HDAC4: variants seen among roughly 807,000 people sequenced by gnomAD.
HDAC4 encodes histone deacetylase A.
In HDAC4, 16 loss-of-function variants were observed where a neutral mutation model predicts 135.1. The observed-to-expected ratio is 0.12, with a 90% confidence interval of 0.08 to 0.18. The LOEUF (loss-of-function observed/expected upper bound fraction) is 0.18. Among genes scored for constraint, HDAC4 ranks in the 10% least tolerant of loss-of-function variants. HDAC4 has a pLI of 1.00. For synonymous variants in HDAC4, 685 were observed against 653.4 expected (o/e 1.05, Z -0.74); for missense variants, 1,143 against 1,511.8 (o/e 0.76, Z 4.05).
chr2:239,226,921 T>C (rs2047275048), intron 3 of HDAC4, among the ~76,000 whole-genome samples: 1 of 152,168 alleles, frequency 6.6e-6, no homozygotes, highest in African/African-American at 2.4e-5. Flanking sequence ...GTGAACACAA[T>C]CACGTTGTCA....
At chr2:239,087,955 T>G (rs940386996) in intron 18 of HDAC4, among the ~76,000 whole-genome samples, 1 of 152,056 alleles carries the variant, frequency 6.6e-6, no homozygotes, top group African/African-American at 2.4e-5. Flanking sequence ...ATGTGCTCAC[T>G]CCCCGTCGGC....
At chr2:239,268,422 G>A (rs573848885) in intron 2 of HDAC4, among the ~76,000 whole-genome samples, 2 of 152,364 alleles carry the variant, frequency 1.3e-5, no homozygotes, top group African/African-American at 4.8e-5. Context: ...AAAAGACGCT[G>A]AGTAAATAAG....
chr2:239,348,963 C>G (rs1487473934), intron 2 of HDAC4, among the ~76,000 whole-genome samples: 1 of 152,218 alleles, frequency 6.6e-6, no homozygotes, highest in African/African-American at 2.4e-5. Context: ...TCACAGAACA[C>G]AGGAGAGGAA....
chr2:239,123,998 G>A (rs540327707), intron 12 of HDAC4, among the ~76,000 whole-genome samples: 5 of 151,850 alleles, frequency 3.3e-5, no homozygotes, highest in Non-Finnish European at 7.4e-5. Flanking sequence ...ATCCAGGGAA[G>A]CAACGGGGGT....
chr2:239,124,209 T>C (rs528413818), intron 12 of HDAC4, among the ~76,000 whole-genome samples: 6 of 152,330 alleles, frequency 3.9e-5, no homozygotes, highest in African/African-American at 1.2e-4. Context: ...TTGTTTTTAG[T>C]ATATTTACAG....
At chr2:239,107,773 A>C (rs2038286362) in intron 15 of HDAC4, among the ~76,000 whole-genome samples, 1 of 152,134 alleles carries the variant, frequency 6.6e-6, no homozygotes. Flanking sequence ...AGAGCCTGCT[A>C]GGTGGGAGGT....
At chr2:239,138,134 C>T (rs1349587746) in intron 9 of HDAC4, among the ~76,000 whole-genome samples, 1 of 152,190 alleles carries the variant, frequency 6.6e-6, no homozygotes, top group Non-Finnish European at 1.5e-5. Flanking sequence ...ACTGGTAGAC[C>T]TCAGCTATGA....
At chr2:239,266,000 C>G (rs1051008495) in intron 2 of HDAC4, among the ~76,000 whole-genome samples, 3 of 152,204 alleles carry the variant, frequency 2.0e-5, no homozygotes, top group Admixed American at 6.5e-5. Context: ...GGAGCGTGGC[C>G]TGCCTTGCCC....
chr2:239,313,134 CGGA>C lies in HDAC4; in HGVS notation c.22+39541_22+39543del, dbSNP rs1238610006. On this transcript the variant is annotated intron_variant, in intron 2 of 26. Coordinates refer to ENST00000543185, the MANE Select transcript of HDAC4 (RefSeq NM_001378414.1). This position sits in a 1 kb window ranked among gnomAD's most constrained non-coding sequence, Gnocchi z 5.1. ...CCTCCCCGGGGGCGTTCCGAGGTGG[CGGA>C]GGAGGAAGCTGCAGCCCGTTATCCA... Among the ~76,000 whole-genome samples the C allele has an allele frequency of 6.6e-6, 1 of 152,168 alleles. No homozygotes were observed. The highest frequency in any genetic ancestry group is 1.5e-5 in the Non-Finnish European group (1 of 68,036).
chr2:239,282,081 C>T (rs1405749295), intron 2 of HDAC4, among the ~76,000 whole-genome samples: 5 of 150,802 alleles, frequency 3.3e-5, no homozygotes, highest in African/African-American at 1.2e-4. Context: ...ACAATGTATA[C>T]ACCACTCTAC....
At chr2:239,325,459 C>T (rs2053442064) in intron 2 of HDAC4, among the ~76,000 whole-genome samples, 1 of 152,176 alleles carries the variant, frequency 6.6e-6, no homozygotes, top group Non-Finnish European at 1.5e-5. Flanking sequence ...CCAATAGGTA[C>T]ATGAAAAGAT....
At chr2:239,320,158 G>A (rs902944090) in intron 2 of HDAC4, among the ~76,000 whole-genome samples, 4 of 152,020 alleles carry the variant, frequency 2.6e-5, no homozygotes, top group African/African-American at 4.8e-5. Context: ...CGAAGCAGGC[G>A]GATCACCTGA....
chr2:239,081,350 C>T (rs936858888), intron 21 of HDAC4, among the ~76,000 whole-genome samples, 158 bp from the exon 22 acceptor site: 8 of 152,226 alleles, frequency 5.3e-5, no homozygotes, highest in Non-Finnish European at 8.8e-5. Flanking sequence ...CATTAAGACG[C>T]GTGTGAAGGG....
intron 16 of HDAC4, among the ~76,000 whole-genome samples, chr2:239,096,578 C>T (rs13032710): frequency 4.1e-5 from 2 of 48,620 alleles, no homozygotes; most frequent in Admixed American, 2.0e-4. Context: ...ACACCCCCCA[C>T]GAACACCTGC....
chr2:239,336,473 A>G (rs1379164299), intron 2 of HDAC4, among the ~76,000 whole-genome samples: 2 of 152,216 alleles, frequency 1.3e-5, no homozygotes, highest in Non-Finnish European at 2.9e-5. Flanking sequence ...TCCACCAACA[A>G]TGACTTGTTA....
At chr2:239,317,318 G>A (rs1226551788) in intron 2 of HDAC4, among the ~76,000 whole-genome samples, 1 of 104,280 alleles carries the variant, frequency 9.6e-6, no homozygotes, top group South Asian at 3.1e-4. Flanking sequence ...TGGGGCCGGC[G>A]TGTGTGGGTG....
intron 3 of HDAC4, among the ~76,000 whole-genome samples, chr2:239,193,589 G>A (rs2045154749): frequency 6.6e-6 from 1 of 152,234 alleles, no homozygotes; most frequent in South Asian, 2.1e-4. Flanking sequence ...CAGGTGGAGG[G>A]TCATGGGGAC....
chr2:239,352,696 T>C lies in HDAC4; in HGVS notation c.4A>G (p.Ser2Gly). Residue 2 changes from serine (S) to glycine (G), a missense_variant, in exon 2 of 27, where the codon AGC (serine) becomes GGC (glycine). Coordinates refer to ENST00000543185, the MANE Select transcript of HDAC4 (RefSeq NM_001378414.1). This position sits in a 1 kb window ranked among gnomAD's most constrained non-coding sequence, Gnocchi z 4.4. The stretch of plus-strand genomic sequence containing the variant: ...GCCTTACCTGGATGGCTTTGGGAGC[T>C]CATTGCTAGCAATGTCCACTCCTTT... M[S>G]SQSHPDGLSG... is the part of the protein sequence containing the mutation. 6.4e-7 allele frequency: 1 copy of C among 1,557,810 alleles called. No individual in the cohort carries two copies. Among genetic ancestry groups the C allele is most frequent in the Non-Finnish European group, 8.7e-7 (1 of 1,149,596 alleles).
At chr2:239,224,627 C>T (rs747130175) in intron 3 of HDAC4, among the ~76,000 whole-genome samples, 35 of 152,326 alleles carry the variant, frequency 2.3e-4, no homozygotes, top group Admixed American at 3.9e-4. Flanking sequence ...ATTGCCTTTA[C>T]TAGTTTCCTC....
Sources: gnomAD v4.1 joint callset for allele counts (sites outside exome capture counted in the v4.1 genomes callset) on GRCh38, gnomAD v4.1.1 for gene constraint, Gnocchi (gnomAD v3.1) non-coding constraint, MANE v1.5 for transcripts, NCBI Gene and HGNC (gene_info 2026-07-23, HGNC 2026-07-21) for gene names.